Variants in SZT2 observed in about 807,000 individuals in gnomAD.
The protein encoded by SZT2 is KICSTOR complex protein SZT2.
SZT2 carries 216 observed loss-of-function variants against 404.2 expected under a neutral mutation model. That is an observed-to-expected ratio of 0.53 (90% CI 0.48 to 0.60). SZT2 has a LOEUF of 0.60. SZT2 is among the 20% of genes least tolerant of loss of function. The probability of loss-of-function intolerance (pLI) is 0.00; values close to 1 mark genes in which losing one functional copy is unlikely to be tolerated. For synonymous variants in SZT2, 1,693 were observed against 1,749.9 expected, an observed-to-expected ratio of 0.97 and a Z score of 0.81; for missense variants, 3,857 against 4,459.2, an observed-to-expected ratio of 0.86 and a Z score of 3.85.
Position 43,448,049 on chromosome 1 carries a change from A to G in SZT2, c.9564-30A>G, listed in dbSNP as rs572412792. Reference sequence around the variant, plus strand: ...GCCCTGTGTGTCTCTTGCTACAACCACCACTCTCCTGCCCTGCTCCCCACC... The same window carrying G: ...GCCCTGTGTGTCTCTTGCTACAACCGCCACTCTCCTGCCCTGCTCCCCACC... On this transcript the variant is annotated intron_variant, in intron 68 of 71. Transcript: ENST00000634258. This position sits in a 1 kb window ranked among gnomAD's most constrained non-coding sequence, Gnocchi z 4.2. The G allele has an allele frequency of 1.1e-5, 17 of 1,606,030 alleles. No individual in the cohort carries two copies. In the South Asian group the frequency reaches 1.7e-4, roughly 16 times the overall value.
chr1:43,405,033 C>T (rs60554379), intron 4 of SZT2: 3,782 of 152,654 alleles, frequency 0.025, 158 homozygotes, highest in African/African-American at 0.087. Flanking sequence ...GACGGAGTTT[C>T]GCTCTTTTTG....
rs769046574 is a variant in SZT2 at position 43,452,186 on chromosome 1, G to A, written c.*1706G>A. ...CCCACAGAGACATGTAAGTACGTGT[G>A]TGTTTCCACCTTTCTCACCTGAGCC... is the stretch of plus-strand genomic sequence containing the variant. On this transcript the variant is annotated 3_prime_UTR_variant, in exon 72 of 72. Coordinates refer to ENST00000634258, the MANE Select transcript of SZT2 (RefSeq NM_001365999.1). The A allele has an allele frequency of 6.3e-7, 1 of 1,592,146 alleles. No homozygotes were observed. Among genetic ancestry groups the A allele is most frequent in the Non-Finnish European group, 8.6e-7 (1 of 1,162,916 alleles).
chr1:43,443,966 G>A (rs1655386166), intron 62 of SZT2, among the ~76,000 whole-genome samples, 170 bp downstream of exon 62: 1 of 152,188 alleles, frequency 6.6e-6, no homozygotes, highest in African/African-American at 2.4e-5. Context: ...CTTTCACACA[G>A]CCCTCATGCG....
chr1:43,441,611 C>T lies in SZT2; in HGVS notation c.7609+10C>T. On this transcript the variant is annotated intron_variant, in intron 54 of 71. Transcript: ENST00000634258. This position sits in a 1 kb window ranked among gnomAD's most constrained non-coding sequence, Gnocchi z 4.8. ...TTTATGGTTCAGATTGGTGAGACCC[C>T]AGCCTCCCCTCCCATCCCTCAACCC... The T allele has an allele frequency of 4.3e-6, 7 of 1,614,000 alleles. No individual in the cohort carries two copies. The highest frequency in any genetic ancestry group is 5.9e-6 in the Non-Finnish European group (7 of 1,179,978).
At position 43,426,600 on chromosome 1, in the gene SZT2, A is replaced by G. The variant is rs1653175393; in HGVS notation, c.3214+62A>G. On this transcript the variant is annotated intron_variant, in intron 22 of 71. Coordinates refer to ENST00000634258, the MANE Select transcript of SZT2 (RefSeq NM_001365999.1). This position sits in a 1 kb window ranked among gnomAD's most constrained non-coding sequence, Gnocchi z 4.9. The stretch of plus-strand genomic sequence containing the variant: ...CCCAGCCCTTTTCCCCCACCCTCAC[A>G]GGGTGATTTCTGTCTTTGAGTTTTG... The G allele has an allele frequency of 1.3e-6, 2 of 1,512,950 alleles. No individual in the cohort carries two copies. The highest frequency in any genetic ancestry group is 2.5e-5 in the East Asian group (1 of 40,608). 93.7% of individuals were successfully genotyped at this position (1,512,950 alleles called of 1,614,324 possible). A position where few individuals can be genotyped will look rare whatever the true frequency, so the allele number is the denominator to read the frequency against.
At position 43,427,349 on chromosome 1, in the gene SZT2, G is replaced by A; in HGVS notation, c.3502G>A (p.Asp1168Asn). The change falls in exon 25 of 72, where the codon GAT (aspartate) becomes AAT (asparagine). Residue 1168 changes from aspartate (D) to asparagine (N), a missense_variant. Asp to Asn is a conservative substitution (Grantham distance 23). Coordinates refer to ENST00000634258, the MANE Select transcript of SZT2 (RefSeq NM_001365999.1). ...PQEETKPKFG[D>N]WSGAPSLKDL... Reference sequence around the variant, plus strand: ...AGAGGAGACAAAGCCTAAGTTTGGGGATTGGAGTGGGGCTCCCAGTCTGAA... The same window carrying A: ...AGAGGAGACAAAGCCTAAGTTTGGGAATTGGAGTGGGGCTCCCAGTCTGAA... 1 of 1,614,106 alleles carries A rather than the reference G, an allele frequency of 6.2e-7. No homozygotes were observed. The highest frequency in any genetic ancestry group is 8.5e-7 in the Non-Finnish European group (1 of 1,180,018).
chr1:43,408,610 C>T (rs1220362642), intron 4 of SZT2, among the ~76,000 whole-genome samples: 1 of 152,040 alleles, frequency 6.6e-6, no homozygotes, highest in East Asian at 1.9e-4. Flanking sequence ...TATGGGCATT[C>T]TTGTGTGTCA....
In SZT2 at chr1:43,441,356, C is replaced by T. The variant is rs754397731; in HGVS notation, c.7487C>T (p.Ser2496Leu). 16 of 1,614,142 alleles carry T rather than the reference C, an allele frequency of 9.9e-6. No homozygotes were observed. The highest frequency in any genetic ancestry group is 3.3e-5 in the Admixed American group (2 of 60,028). The change falls in exon 53 of 72, where the codon TCA becomes TTA. Residue 2496 changes from serine (S) to leucine (L), a missense_variant. By Grantham distance (145) the Ser-to-Leu change is moderately radical. Coordinates refer to ENST00000634258, the MANE Select transcript of SZT2 (RefSeq NM_001365999.1). The surrounding 1 kb of genome is among the most constrained non-coding windows in gnomAD (Gnocchi z 4.8). ...GGTGGAGCTGAGCGGGCGCCAGGCT[C>T]AGATTCTGGAGCCCAGAGACAAAAG... ...TPGGAERAPG[S>L]DSGAQRQKRR...
chr1:43,401,871 T>G (rs1389908793), intron 1 of SZT2, among the ~76,000 whole-genome samples: 1 of 152,178 alleles, frequency 6.6e-6, no homozygotes, highest in Non-Finnish European at 1.5e-5. Flanking sequence ...TCTGCTATCA[T>G]CCTTATCACT....
chr1:43,404,028 G>T, intron 3 of SZT2: 1 of 536,482 alleles, frequency 1.9e-6, no homozygotes, highest in East Asian at 3.0e-5. Context: ...TGGGCCACAT[G>T]GCAAAACTCC....
At chr1:43,396,277 A>T (rs530532885) in intron 1 of SZT2, among the ~76,000 whole-genome samples, 104 of 152,362 alleles carry the variant, frequency 6.8e-4, no homozygotes, top group African/African-American at 2.5e-3. Context: ...AAGAACCCAA[A>T]GATGTTTGTT....
chr1:43,439,564 G>T lies in SZT2; in HGVS notation c.6878-41G>T, dbSNP rs1277705351. 6.2e-7 allele frequency: 1 copy of T among 1,611,888 alleles called. No homozygotes were observed. Among genetic ancestry groups the T allele is most frequent in the South Asian group, 1.1e-5 (1 of 90,822 alleles). On this transcript the variant is annotated intron_variant, in intron 49 of 71. Transcript: ENST00000634258. This position sits in a 1 kb window ranked among gnomAD's most constrained non-coding sequence, Gnocchi z 4.2. Reference sequence around the variant, plus strand: ...TGGAGGGTCGTGGGAGGGGTGGTCTGCAAGTCCCAGAGCTGAGCCTTCCTA... The same window carrying T: ...TGGAGGGTCGTGGGAGGGGTGGTCTTCAAGTCCCAGAGCTGAGCCTTCCTA...
intron 65 of SZT2, chr1:43,446,653 G>T: frequency 1.6e-6 from 1 of 633,152 alleles, no homozygotes; most frequent in Non-Finnish European, 2.7e-6. Flanking sequence ...AGGCAGCACA[G>T]TGCCTGGTCT....
intron 12 of SZT2, 117 bp from the exon 13 acceptor site, chr1:43,422,363 C>G: frequency 3.4e-6 from 5 of 1,487,540 alleles, no homozygotes; most frequent in Non-Finnish European, 4.5e-6. Flanking sequence ...CCTTGCCTCC[C>G]TGCTCTTCAG....
At position 43,420,250 on chromosome 1, in the gene SZT2, AG is replaced by A. The variant is rs1652185198; in HGVS notation, c.1189del (p.Ala397ProfsTer31). ...RKKHTEKEVPADLVSTVSVRL... is the reference protein window; with the variant it reads ...RKKHTEKEVPXDLVSTVSVRL... ...AGAAGCACACTGAGAAGGAGGTGCC[AG>A]CCGACTTGGTCAGCACTGTGTCCGT... On this transcript the variant is annotated frameshift_variant, in exon 9 of 72. Coordinates refer to ENST00000634258, the MANE Select transcript of SZT2 (RefSeq NM_001365999.1). LOFTEE classifies it high-confidence loss of function. This position sits in a 1 kb window ranked among gnomAD's most constrained non-coding sequence, Gnocchi z 5.1. 1 of 1,598,344 alleles carries A rather than the reference AG, an allele frequency of 6.3e-7. No individual in the cohort carries two copies. The highest frequency in any genetic ancestry group is 8.5e-7 in the Non-Finnish European group (1 of 1,179,810).
At chr1:43,411,125 C>G (rs955348487) in intron 4 of SZT2, among the ~76,000 whole-genome samples, 5 of 152,188 alleles carry the variant, frequency 3.3e-5, no homozygotes, top group Non-Finnish European at 7.4e-5. Flanking sequence ...TGGGGGAAGC[C>G]AGCTGGGTTT....
chr1:43,396,141 T>C (rs1648964683), intron 1 of SZT2, among the ~76,000 whole-genome samples: 1 of 152,234 alleles, frequency 6.6e-6, no homozygotes, highest in Non-Finnish European at 1.5e-5. Context: ...ATTTGAGTAT[T>C]ATGTTCCATT....
intron 62 of SZT2, among the ~76,000 whole-genome samples, chr1:43,444,008 T>G (rs907130828): frequency 2.0e-5 from 3 of 152,238 alleles, no homozygotes; most frequent in Non-Finnish European, 4.4e-5. Flanking sequence ...TTTATGGAAC[T>G]CATGATGACA....
chr1:43,439,952 G>A lies in SZT2; in HGVS notation c.7114G>A (p.Glu2372Lys). ...GAACATTAGTATTGTGCAGCTGGAG[G>A]AGAAACTCCGAGGAGCAGCTCGCCA... is the stretch of plus-strand genomic sequence containing the variant. ...KGNISIVQLEEKLRGAARQAL... is the reference protein window; with the variant it reads ...KGNISIVQLEKKLRGAARQAL... The change falls in exon 51 of 72, where the codon GAG (glutamate) becomes AAG (lysine). Residue 2372 changes from glutamate to lysine, a missense_variant. Physicochemically the swap from Glu to Lys is moderately conservative, Grantham distance 56. Transcript: ENST00000634258. This position sits in a 1 kb window ranked among gnomAD's most constrained non-coding sequence, Gnocchi z 4.2. 1.2e-6 allele frequency: 2 copies of A among 1,614,008 alleles called. No homozygotes were observed. Among genetic ancestry groups the A allele is most frequent in the Non-Finnish European group, 8.5e-7 (1 of 1,179,940 alleles).
Sources: gnomAD v4.1 joint callset for allele counts (sites outside exome capture counted in the v4.1 genomes callset) on GRCh38, gnomAD v4.1.1 for gene constraint, Gnocchi (gnomAD v3.1) non-coding constraint, MANE v1.5 for transcripts, NCBI Gene and HGNC (gene_info 2026-07-23, HGNC 2026-07-21) for gene names.